The following ANAPC10 variants were observed in gnomAD, a reference collection of about 807,000 sequenced individuals.
ANAPC10 encodes anaphase-promoting complex subunit 10.
Under a neutral mutation model 22.0 loss-of-function variants are expected in ANAPC10, and 12 were observed. That is an observed-to-expected ratio of 0.55 (90% CI 0.35 to 0.88). The LOEUF (loss-of-function observed/expected upper bound fraction) is 0.88, where lower values mean the gene tolerates loss of function less well. ANAPC10 is among the 40% of genes least tolerant of loss of function. ANAPC10 has a pLI of 0.01. For missense variants in ANAPC10, 188 were observed against 220.9 expected (o/e 0.85, Z 0.94); for synonymous variants, 65 against 69.5 (o/e 0.94, Z 0.32).
chr4:145,081,782 G>T (rs759381610), intron 2 of ANAPC10, 32 bp from the exon 3 acceptor site: 2 of 1,487,812 alleles, frequency 1.3e-6, no homozygotes, highest in South Asian at 2.4e-5. Flanking sequence ...ATAAATCCCT[G>T]TGAAAAAGAA....
chr4:145,093,666 A>G (rs1381679480), intron 2 of ANAPC10, among the ~76,000 whole-genome samples: 1 of 152,160 alleles, frequency 6.6e-6, no homozygotes, highest in Non-Finnish European at 1.5e-5. Flanking sequence ...GAAGAGCTAC[A>G]AATAAAAAAT....
chr4:145,046,770 T>C (rs557877145), intron 4 of ANAPC10, among the ~76,000 whole-genome samples: 4 of 152,176 alleles, frequency 2.6e-5, no homozygotes, highest in African/African-American at 7.2e-5. Flanking sequence ...AACACTGATA[T>C]CGAAATGCCA....
At chr4:145,065,080 T>C (rs146767098) in intron 3 of ANAPC10, among the ~76,000 whole-genome samples, 71 of 152,128 alleles carry the variant, frequency 4.7e-4, no homozygotes, top group Non-Finnish European at 6.8e-4. Context: ...ACTTACTTCA[T>C]TTCCTATATT....
intron 4 of ANAPC10, among the ~76,000 whole-genome samples, chr4:145,041,190 C>T (rs1436729168): frequency 6.6e-6 from 1 of 152,066 alleles, no homozygotes; most frequent in East Asian, 1.9e-4. Context: ...AAGTGTTTAG[C>T]TAAATCTAGA....
chr4:145,043,067 GT>G (rs35320351), intron 4 of ANAPC10, among the ~76,000 whole-genome samples: 95 of 147,428 alleles, frequency 6.4e-4, no homozygotes, highest in Middle Eastern at 3.5e-3. Context: ...CTCACACAAA[GT>G]TTTTTTTTTT....
At chr4:145,081,872 A>AT (rs896968777) in intron 2 of ANAPC10, 122 bp from the exon 3 acceptor site, 173 of 724,724 alleles carry the variant, frequency 2.4e-4, no homozygotes, top group East Asian at 3.5e-4. Context: ...AGAAATATTA[A>AT]TTTTTTTTTA....
At chr4:145,057,468 T>A (rs377457021) in intron 4 of ANAPC10, among the ~76,000 whole-genome samples, 65 of 152,270 alleles carry the variant, frequency 4.3e-4, no homozygotes, top group African/African-American at 1.5e-3. Flanking sequence ...CTTCACTGGA[T>A]AACCTTTTCC....
At chr4:145,050,383 C>A (rs1740923841) in intron 4 of ANAPC10, among the ~76,000 whole-genome samples, 1 of 152,178 alleles carries the variant, frequency 6.6e-6, no homozygotes, top group Non-Finnish European at 1.5e-5. Flanking sequence ...ATTTATAGCA[C>A]ATGGGCAGAA....
chr4:145,015,375 A>G (rs1392148523), intron 4 of ANAPC10, among the ~76,000 whole-genome samples: 1 of 152,076 alleles, frequency 6.6e-6, no homozygotes, highest in Non-Finnish European at 1.5e-5. Flanking sequence ...AATTAACCCA[A>G]CCAAACAAAG....
intron 4 of ANAPC10, among the ~76,000 whole-genome samples, chr4:145,000,796 A>G (rs1732407644): frequency 6.6e-6 from 1 of 152,202 alleles, no homozygotes; most frequent in Admixed American, 6.5e-5. Context: ...AACCAACCCA[A>G]CTGTCCATCA....
intron 4 of ANAPC10, among the ~76,000 whole-genome samples, chr4:145,031,822 T>C (rs1578971173): frequency 6.6e-6 from 1 of 152,292 alleles, no homozygotes; most frequent in South Asian, 2.1e-4. Flanking sequence ...AGACATCTCT[T>C]GACTGGGCTT....
At chr4:145,055,795 T>A (rs1741984620) in intron 4 of ANAPC10, among the ~76,000 whole-genome samples, 2 of 152,120 alleles carry the variant, frequency 1.3e-5, no homozygotes, top group African/African-American at 4.8e-5. Context: ...GACTATGATT[T>A]TTGGTTTTGA....
chr4:145,044,862 T>C (rs754670337), intron 4 of ANAPC10, among the ~76,000 whole-genome samples: 6 of 152,070 alleles, frequency 3.9e-5, no homozygotes, highest in Non-Finnish European at 7.4e-5. Context: ...ATTGGTGGTA[T>C]ATTATTTGAT....
chr4:145,081,998 T>C (rs999651528), intron 2 of ANAPC10, among the ~76,000 whole-genome samples: 1 of 152,002 alleles, frequency 6.6e-6, no homozygotes, highest in African/African-American at 2.4e-5. Context: ...GCATAAGCCA[T>C]AGCACCCAGC....
At chr4:145,006,038 C>A (rs1254051582) in intron 4 of ANAPC10, among the ~76,000 whole-genome samples, 1 of 152,006 alleles carries the variant, frequency 6.6e-6, no homozygotes, top group Non-Finnish European at 1.5e-5. Context: ...TGATCTAATA[C>A]TAACAGTGTG....
chr4:145,055,875 A>G (rs550072984), intron 4 of ANAPC10, among the ~76,000 whole-genome samples: 1 of 152,344 alleles, frequency 6.6e-6, no homozygotes, highest in Non-Finnish European at 1.5e-5. Context: ...CTACTGAACT[A>G]ACTACATAAA....
At chr4:145,006,073 T>C (rs1733297830) in intron 4 of ANAPC10, among the ~76,000 whole-genome samples, 1 of 152,186 alleles carries the variant, frequency 6.6e-6, no homozygotes, top group Admixed American at 6.5e-5. Flanking sequence ...CCACTATTAT[T>C]GTGGGGTTTT....
chr4:145,057,055 C>T (rs541522516), intron 4 of ANAPC10, among the ~76,000 whole-genome samples: 10 of 152,262 alleles, frequency 6.6e-5, no homozygotes, highest in African/African-American at 2.2e-4. Context: ...AAAGAAAATT[C>T]ATCAACTTCT....
chr4:145,051,327 T>C (rs912974298), intron 4 of ANAPC10, among the ~76,000 whole-genome samples: 16 of 152,316 alleles, frequency 1.1e-4, no homozygotes, highest in African/African-American at 3.8e-4. Context: ...GCATGGTTCA[T>C]GGCGTCCCAA....
Sources: gnomAD v4.1 joint callset for allele counts (sites outside exome capture counted in the v4.1 genomes callset) on GRCh38, gnomAD v4.1.1 for gene constraint, MANE v1.5 for transcripts, NCBI Gene and HGNC (gene_info 2026-07-23, HGNC 2026-07-21) for gene names.